Variants in IGF1 observed in about 807,000 individuals in gnomAD.
IGF1 encodes insulin-like growth factor 1.
In IGF1, 4 loss-of-function variants were observed where a neutral mutation model predicts 13.8. The observed-to-expected ratio is 0.29, with a 90% CI of 0.14 to 0.66. The LOEUF (loss-of-function observed/expected upper bound fraction) is 0.66. Among genes scored for constraint, IGF1 ranks in the 30% least tolerant of loss-of-function variants. The pLI is 0.78. For synonymous variants in IGF1, 76 were observed against 72.6 expected (o/e 1.05, Z -0.23); for missense variants, 124 against 188.5 (o/e 0.66, Z 2.00).
At chr12:102,450,473 A>G (rs909967240) in intron 2 of IGF1, among the ~76,000 whole-genome samples, 2 of 152,254 alleles carry the variant, frequency 1.3e-5, no homozygotes, top group Admixed American at 1.3e-4. Context: ...ACTTGGAGAC[A>G]AATGGATGCC....
intron 2 of IGF1, among the ~76,000 whole-genome samples, chr12:102,452,004 T>G (rs1049988069): frequency 6.6e-6 from 1 of 152,154 alleles, no homozygotes; most frequent in African/African-American, 2.4e-5. Context: ...GGCTCACGCC[T>G]GTAATCCCAG....
chr12:102,412,960 G>A (rs1479138147), intron 3 of IGF1, among the ~76,000 whole-genome samples: 1 of 152,208 alleles, frequency 6.6e-6, no homozygotes, highest in Non-Finnish European at 1.5e-5. Flanking sequence ...GAAAAGTTCT[G>A]ATTCCAGTTA....
intron 3 of IGF1, chr12:102,417,674 G>T (rs993525068): frequency 2.8e-6 from 4 of 1,451,114 alleles, no homozygotes; most frequent in African/African-American, 2.9e-5. Context: ...TCTCTAAAAG[G>T]TTACTTCTAT....
intron 3 of IGF1, chr12:102,415,568 T>TTCCTTCCTTCCG (rs1875052346): frequency 7.0e-6 from 1 of 143,238 alleles, no homozygotes; most frequent in Non-Finnish European, 1.5e-5. Context: ...CCTTCCTTCC[T>TTCCTTCCTTCCG]TCCTTCCTTC....
intron 2 of IGF1, among the ~76,000 whole-genome samples, chr12:102,444,530 G>A (rs754845014): frequency 5.3e-5 from 8 of 151,964 alleles, no homozygotes; most frequent in Admixed American, 2.0e-4. Flanking sequence ...ATTCAACAAA[G>A]TTATTTACTG....
Position 102,457,342 on chromosome 12 carries a change from G to A in IGF1, c.220+18301C>T, listed in dbSNP as rs145002607. ...ATCTGCATCAAATCCTATCTGGACC[G>A]GGGGATACAGAGGATAAGATGGGAG... On this transcript the variant is annotated intron_variant, in intron 2 of 3. Coordinates refer to ENST00000337514, the MANE Select transcript of IGF1 (RefSeq NM_000618.5). Among the ~76,000 whole-genome samples the A allele has an allele frequency of 4.2e-3, 646 of 152,250 alleles. 4 individuals carry two copies. Among genetic ancestry groups the A allele is most frequent in the Non-Finnish European group, 5.9e-3 (401 of 68,022 alleles).
chr12:102,478,438 G>A, intron 1 of IGF1: 1 of 1,346,204 alleles, frequency 7.4e-7, no homozygotes, highest in Non-Finnish European at 1.0e-6. Flanking sequence ...GGGCCACAAT[G>A]AAAATGCCCT....
intron 2 of IGF1, among the ~76,000 whole-genome samples, chr12:102,439,367 A>G (rs1037342305): frequency 2.0e-5 from 3 of 152,226 alleles, no homozygotes; most frequent in African/African-American, 7.2e-5. Flanking sequence ...GCACTAAGTC[A>G]GGTAAAGAAA....
chr12:102,422,847 T>C (rs1875854287), intron 2 of IGF1, among the ~76,000 whole-genome samples: 1 of 152,230 alleles, frequency 6.6e-6, no homozygotes, highest in South Asian at 2.1e-4. Context: ...GAATCAGAGC[T>C]GGTAGGTGAA....
At position 102,399,054 on chromosome 12, in the gene IGF1, A is replaced by C. The variant is rs1397986495; in HGVS notation, c.*3453T>G. On this transcript the variant is annotated 3_prime_UTR_variant, in exon 4 of 4. Coordinates refer to ENST00000337514, the MANE Select transcript of IGF1 (RefSeq NM_000618.5). ...TTGTTTGTTTGTTTGTTTTTTAATA[A>C]AATTTTCAAGGAAGTGATTTCTTTT... 2 of 151,830 alleles carry C rather than the reference A, an allele frequency of 1.3e-5. No homozygotes were observed. Among genetic ancestry groups the C allele is most frequent in the Non-Finnish European group, 1.5e-5 (1 of 67,998 alleles). The allele number at this position is 151,830 out of a possible 1,614,324, so 9.4% of individuals were successfully genotyped here. A position where few individuals can be genotyped will look rare whatever the true frequency, so the allele number is the denominator to read the frequency against.
At position 102,419,659 on chromosome 12, in the gene IGF1, C is replaced by G; in HGVS notation, c.252G>C (p.Arg84=). Reference sequence around the variant, plus strand: ...CCACGATGCCTGTCTGAGGCGCCCTCCGACTGCTGGAGCCATACCCTGTGG... The same window carrying G: ...CCACGATGCCTGTCTGAGGCGCCCTGCGACTGCTGGAGCCATACCCTGTGG... The part of the protein sequence containing the change: ...NKPTGYGSSS[R]RAPQTGIVDE... The change falls in exon 3 of 4, where the codon CGG becomes CGC. Residue 84 remains arginine (R), a synonymous_variant. Transcript: ENST00000337514. The G allele has an allele frequency of 6.2e-7, 1 of 1,613,264 alleles. No homozygotes were observed. Among genetic ancestry groups the G allele is most frequent in the Non-Finnish European group, 8.5e-7 (1 of 1,180,032 alleles).
At position 102,430,752 on chromosome 12, in the gene IGF1, T is replaced by C. The variant is rs1383550197; in HGVS notation, c.221-11062A>G. Reference sequence around the variant, plus strand: ...TCCTTGCTCTGGGTCAGGAAGACACTCTGGTAAAGGTCAGTTATGAAGTCC... The same window carrying C: ...TCCTTGCTCTGGGTCAGGAAGACACCCTGGTAAAGGTCAGTTATGAAGTCC... On this transcript the variant is annotated intron_variant, in intron 2 of 3. Transcript: ENST00000337514. 3.3e-5 allele frequency among the ~76,000 whole-genome samples: 5 copies of C among 152,228 alleles called. 1 individual carries two copies. The highest frequency in any genetic ancestry group is 2.6e-4 in the Admixed American group (4 of 15,288).
rs546646125 is a variant in IGF1 at position 102,405,591 on chromosome 12, T to C, written c.403-3025A>G. ...CTCTCTGCCTAACTACTAACCAAATTAATTAACAGGCGGAGAAACACACTA... is the reference window on the plus strand; with the variant it reads ...CTCTCTGCCTAACTACTAACCAAATCAATTAACAGGCGGAGAAACACACTA... On this transcript the variant is annotated intron_variant, in intron 3 of 3. Coordinates refer to ENST00000337514, the MANE Select transcript of IGF1 (RefSeq NM_000618.5). Among the ~76,000 whole-genome samples, 3 of 152,302 alleles carry C rather than the reference T, an allele frequency of 2.0e-5. No individual in the cohort carries two copies. In the South Asian group the frequency reaches 6.2e-4, roughly 32 times the overall value.
intron 1 of IGF1, among the ~76,000 whole-genome samples, 155 bp from the exon 2 acceptor site, chr12:102,475,954 G>A (rs762333030): frequency 2.0e-5 from 3 of 152,176 alleles, no homozygotes; most frequent in Non-Finnish European, 4.4e-5. Flanking sequence ...GAACCCAGAG[G>A]GAGTTGTGGA....
intron 2 of IGF1, among the ~76,000 whole-genome samples, chr12:102,455,553 G>C (rs149399308): frequency 1.3e-5 from 2 of 152,310 alleles, no homozygotes; most frequent in East Asian, 3.9e-4. Context: ...CATTTCAAGT[G>C]GGGGAGGAGT....
At chr12:102,463,035 T>G (rs954762702) in intron 2 of IGF1, 1 of 152,202 alleles carries the variant, frequency 6.6e-6, no homozygotes, top group African/African-American at 2.4e-5. Context: ...GTCTTACCCT[T>G]TGACCATATT....
At chr12:102,469,926 TTACTAA>T (rs1346296517) in intron 2 of IGF1, among the ~76,000 whole-genome samples, 1 of 152,118 alleles carries the variant, frequency 6.6e-6, no homozygotes, top group Non-Finnish European at 1.5e-5. Context: ...CATGTGATTA[TTACTAA>T]TACTACTACA....
At chr12:102,412,590 C>A (rs930902070) in intron 3 of IGF1, among the ~76,000 whole-genome samples, 2 of 152,014 alleles carry the variant, frequency 1.3e-5, no homozygotes, top group African/African-American at 4.8e-5. Flanking sequence ...GCTTCTTGAC[C>A]AATGGTTCTT....
At chr12:102,417,879 T>G in intron 3 of IGF1, 3 of 1,614,040 alleles carry the variant, frequency 1.9e-6, no homozygotes, top group South Asian at 2.2e-5. Flanking sequence ...CCTCTGCTCT[T>G]TCTTCTTTCC....
Sources: allele counts gnomAD v4.1 joint callset (sites outside exome capture counted in the v4.1 genomes callset), GRCh38; gene constraint gnomAD v4.1.1; transcripts MANE v1.5; gene names NCBI Gene and HGNC (gene_info 2026-07-23, HGNC 2026-07-21).